The following C11orf65 variants were observed in gnomAD, a reference collection of about 807,000 sequenced individuals.
The protein encoded by C11orf65 is protein MFI.
In C11orf65, 38 loss-of-function variants were observed where a neutral mutation model predicts 35.3. The observed-to-expected ratio is 1.08, with a 90% confidence interval of 0.83 to 1.41. The LOEUF is 1.41. Ranked by LOEUF, C11orf65 falls within the 40% of genes most tolerant of loss-of-function variation. The pLI, the probability that C11orf65 is intolerant of heterozygous loss-of-function variation, is 0.00. For synonymous variants in C11orf65, 105 were observed against 114.4 expected (o/e 0.92, Z 0.53); for missense variants, 370 against 367.1 (o/e 1.01, Z -0.06).
chr11:108,417,442 G>T (rs905556159), intron 3 of C11orf65, among the ~76,000 whole-genome samples: 1 of 152,018 alleles, frequency 6.6e-6, no homozygotes, highest in African/African-American at 2.4e-5. Context: ...TACTGGGGAG[G>T]CTGGAGCACA....
At chr11:108,359,013 G>C (rs2090382788) in intron 2 of C11orf65, among the ~76,000 whole-genome samples, 1 of 151,074 alleles carries the variant, frequency 6.6e-6, no homozygotes, top group African/African-American at 2.4e-5. Flanking sequence ...ATTGGATAAA[G>C]AGTCAAGACC....
intron 2 of C11orf65, among the ~76,000 whole-genome samples, chr11:108,447,635 G>C (rs574990322): frequency 1.8e-4 from 28 of 152,138 alleles, no homozygotes; most frequent in Non-Finnish European, 4.1e-4. Flanking sequence ...ATTCAAAGCA[G>C]TGTGTAGAGG....
chr11:108,449,074 C>A (rs2093309668), intron 2 of C11orf65, among the ~76,000 whole-genome samples: 1 of 152,134 alleles, frequency 6.6e-6, no homozygotes, highest in African/African-American at 2.4e-5. Context: ...ATCCAACTTA[C>A]AAGGGATGTG....
chr11:108,459,684 T>C (rs2093447776), intron 2 of C11orf65, among the ~76,000 whole-genome samples: 2 of 150,570 alleles, frequency 1.3e-5, no homozygotes, highest in East Asian at 2.0e-4. Context: ...GTCGTTTCAA[T>C]GGGGTTCTGG....
intron 6 of C11orf65, among the ~76,000 whole-genome samples, chr11:108,395,147 ATC>A (rs2092276436): frequency 2.1e-5 from 3 of 145,278 alleles, no homozygotes; most frequent in African/African-American, 7.3e-5. Context: ...AAAAAAAAAA[ATC>A]ATAACACTAC....
chr11:108,340,520 C>G (rs2087422233), intron 2 of C11orf65, among the ~76,000 whole-genome samples: 1 of 152,160 alleles, frequency 6.6e-6, no homozygotes, highest in African/African-American at 2.4e-5. Flanking sequence ...TCAGCAAGTC[C>G]TATTGGTCAA....
intron 1 of C11orf65, chr11:108,462,705 TTTAC>T (rs1482959823): frequency 2.0e-5 from 3 of 152,234 alleles, no homozygotes; most frequent in Non-Finnish European, 4.4e-5. Context: ...AACATGGATT[TTTAC>T]TTAGTCTTAA....
intron 2 of C11orf65, among the ~76,000 whole-genome samples, chr11:108,373,157 T>C (rs1486756779): frequency 2.0e-5 from 3 of 152,032 alleles, no homozygotes; most frequent in African/African-American, 7.2e-5. Flanking sequence ...TCACAAAATA[T>C]TAGCAAATCA....
chr11:108,464,448 G>A (rs994347584), intron 1 of C11orf65, among the ~76,000 whole-genome samples: 8 of 151,154 alleles, frequency 5.3e-5, no homozygotes, highest in South Asian at 2.1e-4. Flanking sequence ...TGCAACCTCC[G>A]CCTCCCGGGT....
At position 108,365,307 on chromosome 11, in the gene C11orf65, T is replaced by G; in HGVS notation, c.226+27901A>C. The G allele has an allele frequency of 6.2e-7, 1 of 1,614,138 alleles. No individual in the cohort carries two copies. The highest frequency in any genetic ancestry group is 8.5e-7 in the Non-Finnish European group (1 of 1,180,004). On this transcript the variant is annotated intron_variant, in intron 2 of 3. Coordinates refer to the C11orf65 transcript ENST00000524755. ...TAAACTGTTCACCTCACTGAAACCT[T>G]TGTGTTTTTGTCCTTAGTGATATTG... is the stretch of plus-strand genomic sequence containing the variant.
At chr11:108,327,290 C>T (rs1260368149), downstream of C11orf65, 3 of 280,992 alleles carry the variant, frequency 1.1e-5, no homozygotes, top group East Asian at 9.0e-5. Context: ...CTTCCTTGTA[C>T]CTCAGTTTTC....
intron 3 of C11orf65, among the ~76,000 whole-genome samples, chr11:108,408,683 T>TAAAAAAAATAAAA (rs1373369961): frequency 0.048 from 3,493 of 72,760 alleles, 255 homozygotes; most frequent in African/African-American, 0.15. Flanking sequence ...ATAAATAAAA[T>TAAAAAAAATAAAA]AAAATAAAAT....
intron 2 of C11orf65, among the ~76,000 whole-genome samples, chr11:108,350,155 T>C (rs546744774): frequency 1.5e-4 from 23 of 152,288 alleles, no homozygotes; most frequent in Non-Finnish European, 2.5e-4. Flanking sequence ...AAGGGGCACT[T>C]TCAATCCTAA....
intron 2 of C11orf65, among the ~76,000 whole-genome samples, chr11:108,359,361 C>T (rs2090429091): frequency 6.6e-6 from 1 of 151,840 alleles, no homozygotes; most frequent in Admixed American, 6.6e-5. Flanking sequence ...ACTTTAACAC[C>T]CCACTGTCAA....
intron 6 of C11orf65, among the ~76,000 whole-genome samples, chr11:108,316,965 A>G (rs574671346): frequency 4.7e-4 from 71 of 151,976 alleles, no homozygotes; most frequent in African/African-American, 1.7e-3. Context: ...ATAAGGTGTC[A>G]CCCTGTTACT....
chr11:108,406,717 G>A (rs745326757), intron 5 of C11orf65, 46 bp downstream of exon 5: 2 of 1,197,104 alleles, frequency 1.7e-6, no homozygotes, highest in Non-Finnish European at 2.3e-6. Context: ...AGACAAATGG[G>A]TTTCTAAATA....
chr11:108,380,454 T>G (rs2091846371), downstream of C11orf65, among the ~76,000 whole-genome samples: 1 of 152,222 alleles, frequency 6.6e-6, no homozygotes, highest in South Asian at 2.1e-4. Context: ...TTATAAGGTG[T>G]GGATCTTCAC....
At chr11:108,437,707 T>TAAAAAAAA (rs145337876) in intron 2 of C11orf65, among the ~76,000 whole-genome samples, 930 of 37,976 alleles carry the variant, frequency 0.024, 40 homozygotes, top group Middle Eastern at 0.033. Context: ...GACTCAGTCT[T>TAAAAAAAA]AAAAAAAAAA....
chr11:108,381,011 A>G (rs2091855580), downstream of C11orf65, among the ~76,000 whole-genome samples: 1 of 152,236 alleles, frequency 6.6e-6, no homozygotes, highest in African/African-American at 2.4e-5. Flanking sequence ...TATGCCACAC[A>G]ATCCAGAAAC....
Sources: gnomAD v4.1 joint callset for allele counts (sites outside exome capture counted in the v4.1 genomes callset) on GRCh38, gnomAD v4.1.1 for gene constraint, MANE v1.5 for transcripts, NCBI Gene and HGNC (gene_info 2026-07-23, HGNC 2026-07-21) for gene names.